Variants in MCF2L2 observed in about 807,000 individuals in gnomAD.
MCF2L2 encodes probable guanine nucleotide exchange factor MCF2L2.
In MCF2L2, 102 loss-of-function variants were observed where a neutral mutation model predicts 150.2. That is an observed-to-expected ratio of 0.68 (90% CI 0.58 to 0.80). MCF2L2 has a LOEUF of 0.80. Among genes scored for constraint, MCF2L2 ranks in the 30% least tolerant of loss-of-function variants. The pLI, the probability that MCF2L2 is intolerant of heterozygous loss-of-function variation, is 0.00. For missense variants in MCF2L2, 1,256 were observed against 1,372.8 expected (o/e 0.91, Z 1.34); for synonymous variants, 465 against 491.3 (o/e 0.95, Z 0.71).
At chr3:183,395,385 C>T (rs920810931) in intron 1 of MCF2L2, among the ~76,000 whole-genome samples, 56 of 152,220 alleles carry the variant, frequency 3.7e-4, no homozygotes, top group African/African-American at 1.2e-3. Context: ...TGTTTATGCA[C>T]ATATGTGTGG....
chr3:183,270,526 T>A lies in MCF2L2; in HGVS notation c.1862+6346A>T, dbSNP rs1489770217. On this transcript the variant is annotated intron_variant, in intron 15 of 29. Transcript: ENST00000328913. The surrounding 1 kb of genome is among the most constrained non-coding windows in gnomAD (Gnocchi z 4.5). ...AGCAAATACTACGTGTCCTATGAAA[T>A]GTACCAGTGGCCAGCTTACCCTGAC... 6.2e-7 allele frequency: 1 copy of A among 1,614,160 alleles called. No individual in the cohort carries two copies. The highest frequency in any genetic ancestry group is 8.5e-7 in the Non-Finnish European group (1 of 1,180,008).
At position 183,359,703 on chromosome 3, in the gene MCF2L2, C is replaced by T. The variant is rs1024753417; in HGVS notation, c.276-18073G>A. Among the ~76,000 whole-genome samples the T allele has an allele frequency of 5.3e-5, 8 of 152,230 alleles. No individual in the cohort carries two copies. In the South Asian group the frequency reaches 6.2e-4, roughly 12 times the overall value. On this transcript the variant is annotated intron_variant, in intron 3 of 29. Transcript: ENST00000328913. The stretch of plus-strand genomic sequence containing the variant: ...GCAGTAAACTCAGTAAACTAAGGCA[C>T]GGGTGTGGAGGTTTTCAAACAGAGT...
intron 1 of MCF2L2, among the ~76,000 whole-genome samples, chr3:183,400,192 A>T (rs938235979): frequency 2.6e-5 from 4 of 152,176 alleles, no homozygotes; most frequent in East Asian, 1.9e-4. Context: ...TGCTTTTTTT[A>T]AAAAAGTCAT....
intron 15 of MCF2L2, among the ~76,000 whole-genome samples, chr3:183,234,959 G>A (rs1312783777): frequency 1.2e-5 from 1 of 80,818 alleles, no homozygotes; most frequent in Non-Finnish European, 2.3e-5. Flanking sequence ...TTGGTTTTTT[G>A]TTCTTGCGAT....
intron 5 of MCF2L2, among the ~76,000 whole-genome samples, chr3:183,333,054 A>T (rs1209466794): frequency 6.6e-6 from 1 of 151,996 alleles, no homozygotes; most frequent in Non-Finnish European, 1.5e-5. Flanking sequence ...TTTTATTTTT[A>T]TTTATTTTTT....
intron 15 of MCF2L2, among the ~76,000 whole-genome samples, chr3:183,247,252 C>T (rs576743197): frequency 6.6e-6 from 1 of 152,292 alleles, no homozygotes; most frequent in South Asian, 2.1e-4. Flanking sequence ...TCCATTGAAA[C>T]AGTGCCCACT....
intron 3 of MCF2L2, chr3:183,377,237 C>T (rs949714138): frequency 1.3e-4 from 20 of 152,308 alleles, no homozygotes; most frequent in Admixed American, 1.2e-3. Context: ...GTTCCCCTCC[C>T]TGTGTCCATG....
chr3:183,348,425 G>A (rs528839406), intron 3 of MCF2L2, among the ~76,000 whole-genome samples: 1 of 150,774 alleles, frequency 6.6e-6, no homozygotes, highest in Non-Finnish European at 1.5e-5. Context: ...CGGGTAGGGG[G>A]GGCGAGGGGA....
chr3:183,377,910 G>A (rs1713283618), intron 3 of MCF2L2: 1 of 152,150 alleles, frequency 6.6e-6, no homozygotes, highest in Non-Finnish European at 1.5e-5. Flanking sequence ...ATATGGCAGT[G>A]GCAGGGAGGA....
At chr3:183,216,855 T>A (rs1436138180) in intron 21 of MCF2L2, among the ~76,000 whole-genome samples, 1 of 151,320 alleles carries the variant, frequency 6.6e-6, no homozygotes, top group Non-Finnish European at 1.5e-5. Flanking sequence ...TCCACCCACC[T>A]TGGCCTCCTA....
chr3:183,423,640 T>G (rs56908345), intron 1 of MCF2L2, among the ~76,000 whole-genome samples: 31 of 124,022 alleles, frequency 2.5e-4, no homozygotes, highest in Admixed American at 1.4e-3. Context: ...TTGTTTTTTT[T>G]TTTTTTTTTT....
chr3:183,292,590 T>G (rs888887644), intron 13 of MCF2L2, among the ~76,000 whole-genome samples: 1 of 140,426 alleles, frequency 7.1e-6, no homozygotes, highest in Non-Finnish European at 1.5e-5. Context: ...CACACACACA[T>G]GCACACACAC....
intron 10 of MCF2L2, among the ~76,000 whole-genome samples, chr3:183,303,779 T>C (rs557728235): frequency 2.6e-5 from 4 of 152,106 alleles, no homozygotes; most frequent in Non-Finnish European, 5.9e-5. Flanking sequence ...TTCCAACATA[T>C]CTTATTGTGT....
Position 183,195,186 on chromosome 3 carries a change from T to C in MCF2L2, c.2918+36A>G, listed in dbSNP as rs374882896. 201 of 1,537,850 alleles carry C rather than the reference T, an allele frequency of 1.3e-4. 1 individual carries two copies. The highest frequency in any genetic ancestry group is 5.1e-4 in the Middle Eastern group (3 of 5,852). ...ACTCAATATGAAACATCCAAAGCATTTGACATGCCTTTAAAATAAAAAAAT... is the reference window on the plus strand; with the variant it reads ...ACTCAATATGAAACATCCAAAGCATCTGACATGCCTTTAAAATAAAAAAAT... On this transcript the variant is annotated intron_variant, in intron 26 of 29. Transcript: ENST00000328913.
chr3:183,300,354 C>T (rs1399187935), intron 10 of MCF2L2, among the ~76,000 whole-genome samples, 158 bp from the exon 11 acceptor site: 1 of 152,164 alleles, frequency 6.6e-6, no homozygotes, highest in East Asian at 1.9e-4. Context: ...TGGTTCCAGG[C>T]CCAGGAAGTT....
rs1728264397 is a variant in MCF2L2, at chr3:183,293,195, G to A, written c.1675+2105C>T. 1.3e-5 allele frequency among the ~76,000 whole-genome samples: 2 copies of A among 152,152 alleles called. 1 individual carries two copies. Among genetic ancestry groups the A allele is most frequent in the South Asian group, 4.1e-4 (2 of 4,822 alleles). On this transcript the variant is annotated intron_variant, in intron 13 of 29. Transcript: ENST00000328913. ...GCAAACACTAAGCATGAGAAAACTG[G>A]AATGGCTGTGACAATATCGCACAAG...
At chr3:183,373,073 G>C (rs1712984096) in intron 3 of MCF2L2, 1 of 152,176 alleles carries the variant, frequency 6.6e-6, no homozygotes, top group Non-Finnish European at 1.5e-5. Context: ...AGCCACAGGT[G>C]ACATGTTTTA....
chr3:183,180,996 C>G (rs747068082), intron 27 of MCF2L2, among the ~76,000 whole-genome samples: 1 of 152,234 alleles, frequency 6.6e-6, no homozygotes, highest in Non-Finnish European at 1.5e-5. Context: ...GCAGAAAGGT[C>G]CCAACACAGG....
intron 3 of MCF2L2, chr3:183,373,472 C>A (rs1019358116): frequency 2.6e-5 from 4 of 151,484 alleles, no homozygotes; most frequent in African/African-American, 9.8e-5. Flanking sequence ...AACAGCCCTC[C>A]CTCCAACTTT....
Sources: gnomAD v4.1 joint callset for allele counts (sites outside exome capture counted in the v4.1 genomes callset) on GRCh38, gnomAD v4.1.1 for gene constraint, Gnocchi (gnomAD v3.1) non-coding constraint, MANE v1.5 for transcripts, NCBI Gene and HGNC (gene_info 2026-07-23, HGNC 2026-07-21) for gene names.